FGD4: variants seen among roughly 807,000 people sequenced by gnomAD.
FGD4 encodes FYVE, RhoGEF and PH domain containing 4, also known as FYVE, RhoGEF and PH domain-containing protein 4.
A neutral mutation model predicts 102.0 loss-of-function variants in FGD4; 42 were observed. The ratio of observed to expected loss-of-function variants is 0.41; its 90% CI spans 0.32 to 0.53. FGD4 has a LOEUF of 0.53. Ranked by LOEUF, FGD4 falls within the 20% of genes least tolerant of loss-of-function variation. The pLI is 0.21. For synonymous variants in FGD4, 380 were observed against 375.7 expected, an observed-to-expected ratio of 1.01 and a Z score of -0.13; for missense variants, 902 against 1,078.2, an observed-to-expected ratio of 0.84 and a Z score of 2.29.
At chr12:32,575,189 A>G (rs1284826839) in intron 2 of FGD4, among the ~76,000 whole-genome samples, 4 of 152,172 alleles carry the variant, frequency 2.6e-5, no homozygotes, top group African/African-American at 9.7e-5. Flanking sequence ...AACCATCTTA[A>G]GCTGTTTAGT....
At chr12:32,459,652 A>T (rs1943046634) in intron 1 of FGD4, among the ~76,000 whole-genome samples, 1 of 152,190 alleles carries the variant, frequency 6.6e-6, no homozygotes, top group South Asian at 2.1e-4. Flanking sequence ...AGATTTGAAA[A>T]AGAAATGTAT....
At chr12:32,474,592 G>T (rs1943538878) in intron 1 of FGD4, among the ~76,000 whole-genome samples, 1 of 152,146 alleles carries the variant, frequency 6.6e-6, no homozygotes, top group African/African-American at 2.4e-5. Context: ...CTGGAATGGG[G>T]GAAGGTGATA....
intron 3 of FGD4, 77 bp from the exon 4 acceptor site, chr12:32,581,883 A>C: frequency 6.6e-7 from 1 of 1,526,230 alleles, no homozygotes; most frequent in South Asian, 1.2e-5. Context: ...TCCCTTTTCA[A>C]CTGGAATAAA....
At chr12:32,473,267 C>T (rs1400557786) in intron 1 of FGD4, among the ~76,000 whole-genome samples, 1 of 151,888 alleles carries the variant, frequency 6.6e-6, no homozygotes, top group East Asian at 1.9e-4. Context: ...CCCTTCCACA[C>T]TGTGGAAGTT....
At chr12:32,467,058 A>T (rs772680075) in intron 1 of FGD4, among the ~76,000 whole-genome samples, 6 of 152,062 alleles carry the variant, frequency 3.9e-5, no homozygotes, top group Admixed American at 6.6e-5. Context: ...TTAAGTAAAA[A>T]TTCTAAAACC....
At position 32,624,973 on chromosome 12, in the gene FGD4, T is replaced by G. The variant is rs371245102; in HGVS notation, c.1954-3T>G. 6.2e-7 allele frequency: 1 copy of G among 1,612,416 alleles called. No homozygotes were observed. The highest frequency in any genetic ancestry group is 1.3e-5 in the African/African-American group (1 of 74,912). ...TGTGCTTTGAATTTTACTTATACTT[T>G]AGGCCCTTCAAGAAACCATCGATGC... On this transcript the variant is annotated splice_polypyrimidine_tract_variant and splice_region_variant and intron_variant, in intron 12 of 16. Coordinates refer to ENST00000534526, the MANE Select transcript of FGD4 (RefSeq NM_001370298.3).
intron 7 of FGD4, among the ~76,000 whole-genome samples, chr12:32,603,094 C>T (rs1396779118): frequency 6.6e-6 from 1 of 152,178 alleles, no homozygotes; most frequent in African/African-American, 2.4e-5. Flanking sequence ...GTTCCCTCCT[C>T]TATGCTCTGT....
intron 15 of FGD4, 141 bp downstream of exon 15, chr12:32,633,830 C>A (rs1041303286): frequency 1.4e-6 from 1 of 733,914 alleles, no homozygotes; most frequent in Admixed American, 2.9e-5. Context: ...ATTACAGGCC[C>A]ACGCCACCAT....
intron 1 of FGD4, among the ~76,000 whole-genome samples, chr12:32,539,691 T>G (rs1942643288): frequency 6.6e-6 from 1 of 150,972 alleles, no homozygotes; most frequent in Non-Finnish European, 1.5e-5. Context: ...CATTTTAAAA[T>G]CTGTAGCCAA....
intron 1 of FGD4, among the ~76,000 whole-genome samples, chr12:32,527,452 CAG>C (rs1404085350): frequency 6.6e-6 from 1 of 150,580 alleles, no homozygotes; most frequent in East Asian, 1.9e-4. Flanking sequence ...TTTTTTGAGA[CAG>C]AGTCTCACTT....
chr12:32,504,261 C>T (rs1368563303), intron 1 of FGD4, among the ~76,000 whole-genome samples: 1 of 152,116 alleles, frequency 6.6e-6, no homozygotes, highest in Admixed American at 6.5e-5. Context: ...GGTAACCCTT[C>T]ACAGAAATAG....
At position 32,624,425 on chromosome 12, in the gene FGD4, T is replaced by A; in HGVS notation, c.1926T>A (p.Ser642=). 6.2e-7 allele frequency: 1 copy of A among 1,601,278 alleles called. No individual in the cohort carries two copies. Among genetic ancestry groups the A allele is most frequent in the Non-Finnish European group, 8.5e-7 (1 of 1,169,888 alleles). The part of the protein sequence containing the change: ...KERTLELQAS[S]AQDKEEWIKA... ...CTTTAATTTTGTTTTATTTTAGTTCTGCGCAAGACAAAGAAGAATGGATCA... is the reference window on the plus strand; with the variant it reads ...CTTTAATTTTGTTTTATTTTAGTTCAGCGCAAGACAAAGAAGAATGGATCA... The change falls in exon 12 of 17, where the codon TCT becomes TCA. Residue 642 remains serine, a synonymous_variant. Coordinates refer to ENST00000534526, the MANE Select transcript of FGD4 (RefSeq NM_001370298.3).
At chr12:32,495,947 A>G (rs1254575450) in intron 1 of FGD4, among the ~76,000 whole-genome samples, 8 of 152,172 alleles carry the variant, frequency 5.3e-5, no homozygotes, top group African/African-American at 1.9e-4. Flanking sequence ...ACCCTTGCCC[A>G]CAAACCTTGG....
rs1287695729 is a variant in FGD4 at position 32,641,636 on chromosome 12, A to C, written c.*1103A>C. 3.3e-5 allele frequency: 5 copies of C among 152,212 alleles called. No homozygotes were observed. The highest frequency in any genetic ancestry group is 1.2e-4 in the African/African-American group (5 of 41,466). 9.4% of individuals were successfully genotyped at this position (152,212 alleles called of 1,614,324 possible). A position where few individuals can be genotyped will look rare whatever the true frequency, so the allele number is the denominator to read the frequency against. On this transcript the variant is annotated 3_prime_UTR_variant, in exon 17 of 17. Coordinates refer to ENST00000534526, the MANE Select transcript of FGD4 (RefSeq NM_001370298.3). ...TATGAGACACCTGACCTTTTACAGA[A>C]CTAGGATATGTGGAAACCACATTTA...
At chr12:32,440,204 C>T (rs1271727683) in intron 1 of FGD4, among the ~76,000 whole-genome samples, 3 of 152,152 alleles carry the variant, frequency 2.0e-5, no homozygotes, top group South Asian at 4.1e-4. Flanking sequence ...CGCTGATGCT[C>T]GTAGATGTTC....
At chr12:32,534,206 G>A in intron 1 of FGD4, 2 of 849,172 alleles carry the variant, frequency 2.4e-6, no homozygotes, top group Non-Finnish European at 3.1e-6. Context: ...AAGTCTCTCT[G>A]TGCTCATACA....
At chr12:32,615,341 C>G (rs888300299) in intron 10 of FGD4, among the ~76,000 whole-genome samples, 3 of 152,012 alleles carry the variant, frequency 2.0e-5, no homozygotes, top group African/African-American at 7.3e-5. Flanking sequence ...TATGAGGTTT[C>G]CTTTTAGAGA....
rs187686874 is a variant in FGD4, at chr12:32,411,868, G to A, written c.166+11909G>A. ...CGGGCGCCTGCAGTCCCGGCTGCTC[G>A]GGAGGCTGAGGCAGGAGAATCTCTT... On this transcript the variant is annotated intron_variant, in intron 1 of 16. Transcript: ENST00000534526. Among the ~76,000 whole-genome samples, 1,142 of 151,384 alleles carry A rather than the reference G, an allele frequency of 7.5e-3. 9 individuals are homozygous for A. The highest frequency in any genetic ancestry group is 0.025 in the African/African-American group (1,044 of 41,246).
chr12:32,586,732 G>A (rs1264005478), intron 4 of FGD4, among the ~76,000 whole-genome samples: 2 of 152,148 alleles, frequency 1.3e-5, no homozygotes, highest in East Asian at 1.9e-4. Context: ...CTAGATGTGG[G>A]GGTTAAGTCA....
Sources: allele counts gnomAD v4.1 joint callset (sites outside exome capture counted in the v4.1 genomes callset), GRCh38; gene constraint gnomAD v4.1.1; transcripts MANE v1.5; gene names NCBI Gene and HGNC (gene_info 2026-07-23, HGNC 2026-07-21).